Variants in FBXW10 observed in about 807,000 individuals in gnomAD.
FBXW10 encodes the protein F-box/WD repeat-containing protein 10.
Under a neutral mutation model 113.1 loss-of-function variants are expected in FBXW10, and 68 were observed. The ratio of observed to expected loss-of-function variants is 0.60; its 90% CI spans 0.49 to 0.74. The LOEUF is 0.74. Among genes scored for constraint, FBXW10 ranks in the 30% least tolerant of loss-of-function variants. The pLI is 0.00. For synonymous variants in FBXW10, 289 were observed against 481.6 expected (o/e 0.60, Z 5.24); for missense variants, 753 against 1,284.5 (o/e 0.59, Z 6.32).
chr17:18,749,519 C>A (rs2035114653), intron 2 of FBXW10, among the ~76,000 whole-genome samples: 1 of 151,266 alleles, frequency 6.6e-6, no homozygotes, highest in South Asian at 2.1e-4. Context: ...TACACTCCAA[C>A]CTGGGCGACA....
At chr17:18,747,158 C>A (rs1597586424) in intron 1 of FBXW10, among the ~76,000 whole-genome samples, 1 of 152,208 alleles carries the variant, frequency 6.6e-6, no homozygotes, top group African/African-American at 2.4e-5. Flanking sequence ...CATCTCCTGA[C>A]CTTGTGATCC....
At chr17:18,753,496 C>T (rs908825079) in intron 5 of FBXW10, among the ~76,000 whole-genome samples, 1 of 152,084 alleles carries the variant, frequency 6.6e-6, no homozygotes, top group Non-Finnish European at 1.5e-5. Flanking sequence ...GTCAGAATTC[C>T]CTCCCAGATT....
intron 8 of FBXW10, among the ~76,000 whole-genome samples, chr17:18,765,883 C>T (rs1444320422): frequency 1.3e-5 from 2 of 151,516 alleles, no homozygotes; most frequent in African/African-American, 4.8e-5. Flanking sequence ...CACGCCACCA[C>T]GCCCAGCTAA....
At chr17:18,759,817 A>G (rs62073748) in intron 7 of FBXW10, among the ~76,000 whole-genome samples, 11,084 of 121,420 alleles carry the variant, frequency 0.091, no homozygotes, top group East Asian at 0.17. Context: ...GGGTTTCCCC[A>G]TGTTAGCCAG....
intron 3 of FBXW10, 40 bp from the exon 4 acceptor site, chr17:18,749,970 C>G: frequency 6.2e-7 from 1 of 1,613,966 alleles, no homozygotes; most frequent in Non-Finnish European, 8.5e-7. Flanking sequence ...CCCCTCTTGG[C>G]CCAGTTCTGG....
chr17:18,752,681 C>G (rs1288474172), intron 5 of FBXW10, among the ~76,000 whole-genome samples: 6 of 151,488 alleles, frequency 4.0e-5, no homozygotes, highest in Non-Finnish European at 8.8e-5. Flanking sequence ...CCACTGCACT[C>G]CAGCCTGGGT....
chr17:18,753,876 C>CA (rs772287091), intron 5 of FBXW10, among the ~76,000 whole-genome samples: 433 of 123,974 alleles, frequency 3.5e-3, no homozygotes, highest in South Asian at 0.017. Flanking sequence ...GACTCCATCT[C>CA]AAAAAAAAAA....
intron 7 of FBXW10, among the ~76,000 whole-genome samples, chr17:18,763,811 C>T (rs1315009437): frequency 6.6e-6 from 1 of 151,296 alleles, no homozygotes; most frequent in Admixed American, 6.6e-5. Context: ...TCCACTGTAC[C>T]GTGGAATCAG....
At chr17:18,760,145 C>G (rs550602662) in intron 7 of FBXW10, among the ~76,000 whole-genome samples, 1 of 152,298 alleles carries the variant, frequency 6.6e-6, no homozygotes, top group Non-Finnish European at 1.5e-5. Context: ...TATTGACAGT[C>G]TAACAGTTTT....
chr17:18,758,616 T>TA (rs2035320109), intron 7 of FBXW10, 111 bp downstream of exon 7: 1 of 1,162,376 alleles, frequency 8.6e-7, no homozygotes, highest in Non-Finnish European at 1.1e-6. Flanking sequence ...TCCTAGAAGA[T>TA]ACTGACTTCT....
rs547619830 is a variant in FBXW10 at position 18,770,899 on chromosome 17, A to G, written c.2006+814A>G. ...TTGTATACAGTACTGTGCTTTATAT[A>G]TGCGTAGACTCAGGGTGCTATTATA... On this transcript the variant is annotated intron_variant, in intron 11 of 13. Coordinates refer to ENST00000395665, the MANE Select transcript of FBXW10 (RefSeq NM_001267585.2). Among the ~76,000 whole-genome samples the G allele has an allele frequency of 3.2e-3, 491 of 152,196 alleles. 2 individuals are homozygous for G. The highest frequency in any genetic ancestry group is 0.012 in the African/African-American group (477 of 41,466).
At chr17:18,754,792 G>C (rs1342565114) in intron 5 of FBXW10, among the ~76,000 whole-genome samples, 4 of 152,208 alleles carry the variant, frequency 2.6e-5, no homozygotes, top group African/African-American at 9.7e-5. Flanking sequence ...AGGAAATAAA[G>C]AAAGATTGGG....
chr17:18,766,915 T>C lies in FBXW10; in HGVS notation c.1704+53T>C. The C allele has an allele frequency of 1.3e-6, 2 of 1,510,302 alleles. 1 individual carries two copies. The highest frequency in any genetic ancestry group is 1.8e-6 in the Non-Finnish European group (2 of 1,104,020). The allele number at this position is 1,510,302 out of a possible 1,614,324, so 93.6% of individuals were successfully genotyped here. ...GAAAGGGCACTGGGGAGGAGATGGGTGGGCTCCCCCTACCTAGCTCCTCAG... is the reference window on the plus strand; with the variant it reads ...GAAAGGGCACTGGGGAGGAGATGGGCGGGCTCCCCCTACCTAGCTCCTCAG... On this transcript the variant is annotated intron_variant, in intron 9 of 13. Transcript: ENST00000395665.
chr17:18,746,367 G>C (rs2035037443), intron 1 of FBXW10, among the ~76,000 whole-genome samples: 1 of 152,148 alleles, frequency 6.6e-6, no homozygotes, highest in African/African-American at 2.4e-5. Context: ...TTAAGCAGAG[G>C]TGGGAGAAAG....
chr17:18,762,527 T>C (rs2035407120), intron 7 of FBXW10, among the ~76,000 whole-genome samples: 1 of 151,862 alleles, frequency 6.6e-6, no homozygotes, highest in African/African-American at 2.4e-5. Context: ...TTTCACTATG[T>C]TGGCCAGGAT....
At chr17:18,753,230 G>A (rs1436861513) in intron 5 of FBXW10, among the ~76,000 whole-genome samples, 2 of 152,204 alleles carry the variant, frequency 1.3e-5, no homozygotes, top group Non-Finnish European at 2.9e-5. Flanking sequence ...CCCTCATACA[G>A]TGGGCCTGAG....
At chr17:18,771,316 G>T (rs1357781365) in intron 11 of FBXW10, among the ~76,000 whole-genome samples, 1 of 152,200 alleles carries the variant, frequency 6.6e-6, no homozygotes, top group African/African-American at 2.4e-5. Flanking sequence ...GCAGCCTTTT[G>T]AAGCAGAAAG....
chr17:18,744,779 G>T (rs768905724), intron 1 of FBXW10, 30 bp downstream of exon 1: 26 of 1,602,880 alleles, frequency 1.6e-5, no homozygotes, highest in Non-Finnish European at 2.1e-5. Flanking sequence ...GAGACTAGAG[G>T]GCCCCCGAAG....
At chr17:18,748,425 A>G (rs1489456371) in intron 2 of FBXW10, among the ~76,000 whole-genome samples, 1 of 149,246 alleles carries the variant, frequency 6.7e-6, no homozygotes, top group Non-Finnish European at 1.5e-5. Context: ...AAAAAAAAAA[A>G]AAAAAAAGAA....
Sources: allele counts gnomAD v4.1 joint callset (sites outside exome capture counted in the v4.1 genomes callset), GRCh38; gene constraint gnomAD v4.1.1; transcripts MANE v1.5; gene names NCBI Gene and HGNC (gene_info 2026-07-23, HGNC 2026-07-21).